Variants in PLD5 observed in about 807,000 individuals in gnomAD.
PLD5 encodes inactive phospholipase D5.
PLD5 carries 36 observed loss-of-function variants against 61.1 expected under a neutral mutation model. That is an observed-to-expected ratio of 0.59 (90% CI 0.45 to 0.78). PLD5 has a LOEUF of 0.78. PLD5 is among the 30% of genes least tolerant of loss of function. PLD5 has a pLI of 0.00. For synonymous variants in PLD5, 243 were observed against 242.8 expected (o/e 1.00, Z -0.01); for missense variants, 515 against 644.4 (o/e 0.80, Z 2.17).
chr1:242,391,821 A>G (rs545096140), intron 1 of PLD5, among the ~76,000 whole-genome samples: 1 of 152,306 alleles, frequency 6.6e-6, no homozygotes, highest in South Asian at 2.1e-4. Flanking sequence ...AATGCCATGC[A>G]CAGGAATACT....
chr1:242,515,115 G>A (rs1669060840), intron 1 of PLD5, among the ~76,000 whole-genome samples: 3 of 152,120 alleles, frequency 2.0e-5, no homozygotes, highest in African/African-American at 7.2e-5. Flanking sequence ...CTCCCCAGAA[G>A]CCTCCTTCGT....
At chr1:242,211,208 C>T (rs922008617) in intron 5 of PLD5, among the ~76,000 whole-genome samples, 7 of 151,944 alleles carry the variant, frequency 4.6e-5, no homozygotes, top group African/African-American at 9.7e-5. Flanking sequence ...CAGTCAGGCT[C>T]GTGGGAAAAA....
chr1:242,296,520 G>T (rs535216161), intron 2 of PLD5, among the ~76,000 whole-genome samples: 1 of 152,166 alleles, frequency 6.6e-6, no homozygotes, highest in East Asian at 1.9e-4. Flanking sequence ...AAGGTGACTC[G>T]CTACCTATGT....
chr1:242,420,415 C>T (rs973685628), intron 1 of PLD5, among the ~76,000 whole-genome samples: 1 of 152,248 alleles, frequency 6.6e-6, no homozygotes, highest in African/African-American at 2.4e-5. Context: ...CCAGGGTCAA[C>T]AACTCCGTTA....
At position 242,489,976 on chromosome 1, in the gene PLD5, CAG is replaced by C. The variant is rs772347232; in HGVS notation, c.189+34110_189+34111del. ...TTTGTCACCAGATTCTTGACTGAAG[CAG>C]AGAGAAAGGTTCCATTCACATCAGG... On this transcript the variant is annotated intron_variant, in intron 1 of 9. Transcript: ENST00000536534. 3.9e-5 allele frequency among the ~76,000 whole-genome samples: 6 copies of C among 152,172 alleles called. No individual in the cohort carries two copies. In the East Asian group the frequency reaches 1.2e-3, roughly 29 times the overall value.
intron 9 of PLD5, among the ~76,000 whole-genome samples, chr1:242,099,703 T>G (rs1660541943): frequency 6.6e-6 from 1 of 152,224 alleles, no homozygotes; most frequent in African/African-American, 2.4e-5. Flanking sequence ...TTGGTGATGT[T>G]GCGAAGAGAA....
chr1:242,444,130 A>T (rs888544837), intron 1 of PLD5, among the ~76,000 whole-genome samples: 1 of 152,288 alleles, frequency 6.6e-6, no homozygotes, highest in Admixed American at 6.5e-5. Context: ...GACCACAGCA[A>T]AATGAATGAG....
At chr1:242,347,964 T>C (rs1017646019) in intron 2 of PLD5, 142 bp downstream of exon 2, 1 of 914,320 alleles carries the variant, frequency 1.1e-6, no homozygotes, top group East Asian at 2.5e-5. Context: ...AGAGTACTAG[T>C]GGACAGACTC....
At chr1:242,392,973 G>A (rs920972927) in intron 1 of PLD5, among the ~76,000 whole-genome samples, 6 of 151,674 alleles carry the variant, frequency 4.0e-5, no homozygotes, top group African/African-American at 1.5e-4. Flanking sequence ...GGAGGCCGAG[G>A]CGGGTGGATT....
chr1:242,363,455 A>T (rs1571980568), intron 1 of PLD5, among the ~76,000 whole-genome samples: 1 of 101,732 alleles, frequency 9.8e-6, no homozygotes, highest in Non-Finnish European at 2.0e-5. Context: ...CTGTCTCTTT[A>T]AAAAAAAAAA....
intron 6 of PLD5, among the ~76,000 whole-genome samples, chr1:242,114,754 T>G (rs1360259515): frequency 6.6e-6 from 1 of 152,142 alleles, no homozygotes; most frequent in African/African-American, 2.4e-5. Flanking sequence ...TGATGATCTG[T>G]CACTGTCTCC....
At chr1:242,247,019 T>C (rs936461681) in intron 4 of PLD5, among the ~76,000 whole-genome samples, 3 of 147,994 alleles carry the variant, frequency 2.0e-5, no homozygotes, top group Non-Finnish European at 4.4e-5. Flanking sequence ...AGTTTCGCTC[T>C]GTCGCCCAGG....
In PLD5 at chr1:242,435,578, A is replaced by G. The variant is rs192818733; in HGVS notation, c.190-87336T>C. ...CACTGTTGGCTGTGAGTTCAGTGTTAATGAATCAACAATACATATCAAATA... is the reference window on the plus strand; with the variant it reads ...CACTGTTGGCTGTGAGTTCAGTGTTGATGAATCAACAATACATATCAAATA... On this transcript the variant is annotated intron_variant, in intron 1 of 9. Coordinates refer to ENST00000536534, the MANE Select transcript of PLD5 (RefSeq NM_001372062.1). 3.8e-3 allele frequency among the ~76,000 whole-genome samples: 579 copies of G among 152,276 alleles called. 5 individuals are homozygous for G. Among genetic ancestry groups the G allele is most frequent in the African/African-American group, 0.013 (546 of 41,562 alleles).
chr1:242,270,961 T>G (rs1674028446), intron 3 of PLD5, among the ~76,000 whole-genome samples: 1 of 152,056 alleles, frequency 6.6e-6, no homozygotes, highest in Non-Finnish European at 1.5e-5. Context: ...AATGGGGACC[T>G]GGTGATACAG....
intron 5 of PLD5, among the ~76,000 whole-genome samples, chr1:242,168,846 G>GTTTTTTTTTTTTTTTTTTTTTTTTTTT (rs34280777): frequency 1.8e-5 from 2 of 111,278 alleles, no homozygotes; most frequent in African/African-American, 7.5e-5. Flanking sequence ...AATTAATGAA[G>GTTTTTTTTTTTTTTTTTTTTTTTTTTT]TTTTTTTTTT....
At position 242,256,153 on chromosome 1, in the gene PLD5, C is replaced by T. The variant is rs1184835401; in HGVS notation, c.607+9184G>A. 6.6e-6 allele frequency among the ~76,000 whole-genome samples: 1 copy of T among 152,096 alleles called. No individual in the cohort carries two copies. The highest frequency in any genetic ancestry group is 2.4e-5 in the African/African-American group (1 of 41,406). On this transcript the variant is annotated intron_variant, in intron 4 of 9. Transcript: ENST00000536534. This position sits in a 1 kb window ranked among gnomAD's most constrained non-coding sequence, Gnocchi z 5.7. ...CTGGGTGTCTGAGACAGTCACTCAG[C>T]AAATGTATGACTTGAGTCACAAGGG...
At chr1:242,098,105 C>T (rs1281479972) in intron 9 of PLD5, among the ~76,000 whole-genome samples, 6 of 152,128 alleles carry the variant, frequency 3.9e-5, no homozygotes, top group Non-Finnish European at 8.8e-5. Context: ...GAATGTTGGC[C>T]TGCCTTGCTA....
chr1:242,320,912 A>G (rs1201684430), intron 2 of PLD5, among the ~76,000 whole-genome samples: 1 of 152,128 alleles, frequency 6.6e-6, no homozygotes, highest in African/African-American at 2.4e-5. Flanking sequence ...CCACTACTTC[A>G]AAGACAGAAA....
rs1433584090 is a variant in PLD5, at chr1:242,256,572, G to T, written c.607+8765C>A. Among the ~76,000 whole-genome samples, 1 of 152,132 alleles carries T rather than the reference G, an allele frequency of 6.6e-6. No individual in the cohort carries two copies. The highest frequency in any genetic ancestry group is 2.4e-5 in the African/African-American group (1 of 41,430). On this transcript the variant is annotated intron_variant, in intron 4 of 9. Coordinates refer to ENST00000536534, the MANE Select transcript of PLD5 (RefSeq NM_001372062.1). The surrounding 1 kb of genome is among the most constrained non-coding windows in gnomAD (Gnocchi z 5.7). ...GGACACAGCGTTTGTTCCCTCTGGG[G>T]GATGCAGTAACAAGGCGCCATCTTG...
Sources: gnomAD v4.1 joint callset for allele counts (sites outside exome capture counted in the v4.1 genomes callset) on GRCh38, gnomAD v4.1.1 for gene constraint, Gnocchi (gnomAD v3.1) non-coding constraint, MANE v1.5 for transcripts, NCBI Gene and HGNC (gene_info 2026-07-23, HGNC 2026-07-21) for gene names.